Variants in PTPRG observed in about 807,000 individuals in gnomAD.
The protein encoded by PTPRG is receptor-type tyrosine-protein phosphatase gamma.
A neutral mutation model predicts 165.3 loss-of-function variants in PTPRG; 102 were observed. The ratio of observed to expected loss-of-function variants is 0.62; its 90% CI spans 0.53 to 0.73. The LOEUF (loss-of-function observed/expected upper bound fraction) is 0.73, where lower values mean the gene tolerates loss of function less well. Ranked by LOEUF, PTPRG falls within the 30% of genes least tolerant of loss-of-function variation. PTPRG has a pLI of 0.00. For missense variants in PTPRG, 1,866 were observed against 1,861.4 expected, an observed-to-expected ratio of 1.00 and a Z score of -0.05; for synonymous variants, 675 against 669.5, an observed-to-expected ratio of 1.01 and a Z score of -0.13.
intron 2 of PTPRG, among the ~76,000 whole-genome samples, chr3:61,980,490 AG>A (rs1339562400): frequency 1.3e-5 from 2 of 152,204 alleles, no homozygotes; most frequent in African/African-American, 2.4e-5. Context: ...ATAGGAAGAA[AG>A]AGGGAGAAGG....
At chr3:62,128,707 C>A (rs986840445) in intron 5 of PTPRG, among the ~76,000 whole-genome samples, 2 of 149,188 alleles carry the variant, frequency 1.3e-5, no homozygotes, top group Non-Finnish European at 3.0e-5. Flanking sequence ...TCCATATTTT[C>A]CCCATCCCTG....
chr3:61,653,908 C>CG (rs1559541968), intron 1 of PTPRG, among the ~76,000 whole-genome samples: 1 of 103,172 alleles, frequency 9.7e-6, no homozygotes. Flanking sequence ...GTGGGGGGCG[C>CG]GGGGAACTGT....
At chr3:61,848,325 C>T (rs2036864302) in intron 2 of PTPRG, among the ~76,000 whole-genome samples, 1 of 152,206 alleles carries the variant, frequency 6.6e-6, no homozygotes, top group Non-Finnish European at 1.5e-5. Flanking sequence ...AGTCTTTGCC[C>T]TAGGCAGGCT....
At chr3:61,889,385 C>T (rs1025109652) in intron 2 of PTPRG, among the ~76,000 whole-genome samples, 8 of 152,052 alleles carry the variant, frequency 5.3e-5, no homozygotes, top group African/African-American at 1.9e-4. Flanking sequence ...ATTGATTGTC[C>T]CAGATTTGGC....
intron 2 of PTPRG, among the ~76,000 whole-genome samples, chr3:61,873,168 C>A (rs532613100): frequency 1.3e-5 from 2 of 152,028 alleles, no homozygotes; most frequent in African/African-American, 2.4e-5. Context: ...AATTTTGATA[C>A]ATGTAACCTG....
intron 2 of PTPRG, among the ~76,000 whole-genome samples, chr3:61,945,157 T>C (rs990053317): frequency 2.0e-5 from 3 of 152,270 alleles, no homozygotes; most frequent in African/African-American, 4.8e-5. Flanking sequence ...AGGTATATAG[T>C]CTTGGCCAAC....
intron 6 of PTPRG, among the ~76,000 whole-genome samples, chr3:62,144,838 T>C (rs1026261481): frequency 7.2e-5 from 11 of 152,192 alleles, no homozygotes; most frequent in African/African-American, 2.4e-4. Context: ...TTAACAATAA[T>C]GTTAAGACGT....
chr3:62,211,897 T>C (rs1409051153), intron 12 of PTPRG, among the ~76,000 whole-genome samples: 1 of 152,162 alleles, frequency 6.6e-6, no homozygotes, highest in Non-Finnish European at 1.5e-5. Flanking sequence ...GCCAAGCCAG[T>C]AAAAGGCAAA....
chr3:62,140,233 T>C (rs1373556765), intron 6 of PTPRG, among the ~76,000 whole-genome samples: 1 of 152,184 alleles, frequency 6.6e-6, no homozygotes, highest in Non-Finnish European at 1.5e-5. Flanking sequence ...TCTGCTGACG[T>C]TACACATGCA....
Position 61,772,931 on chromosome 3 carries a change from G to C in PTPRG, c.190+23949G>C, listed in dbSNP as rs1206384934. Among the ~76,000 whole-genome samples the C allele has an allele frequency of 5.9e-5, 9 of 152,176 alleles. 1 individual carries two copies. Among genetic ancestry groups the C allele is most frequent in the Admixed American group, 2.6e-4 (4 of 15,266 alleles). On this transcript the variant is annotated intron_variant, in intron 2 of 29. Transcript: ENST00000474889. Reference sequence around the variant, plus strand: ...TGATTATTTCTACCACAACGAATGGGAGAAATGAGTGGAACTCCATAATAA... The same window carrying C: ...TGATTATTTCTACCACAACGAATGGCAGAAATGAGTGGAACTCCATAATAA...
chr3:62,149,984 C>T (rs1437313070), intron 6 of PTPRG, among the ~76,000 whole-genome samples: 1 of 152,202 alleles, frequency 6.6e-6, no homozygotes, highest in Non-Finnish European at 1.5e-5. Context: ...TGGCTTTTCT[C>T]CCTTCCTGGA....
chr3:62,156,951 A>G (rs1704558918), intron 6 of PTPRG, 116 bp from the exon 7 acceptor site: 1 of 940,202 alleles, frequency 1.1e-6, no homozygotes, highest in East Asian at 2.4e-5. Context: ...CTCAGGATAT[A>G]AACAAACATA....
intron 2 of PTPRG, among the ~76,000 whole-genome samples, chr3:61,766,617 A>T (rs9858185): frequency 0.52 from 56,663 of 109,622 alleles, 11,239 homozygotes; most frequent in East Asian, 0.75. Flanking sequence ...GTTAAAAAAA[A>T]TTTTTTTTTT....
chr3:62,143,647 G>A (rs1296106607), intron 6 of PTPRG, among the ~76,000 whole-genome samples: 1 of 151,102 alleles, frequency 6.6e-6, no homozygotes, highest in African/African-American at 2.4e-5. Flanking sequence ...TTGAACCTTT[G>A]GAATGAGCTT....
chr3:62,090,229 C>T (rs1033492930), intron 5 of PTPRG, among the ~76,000 whole-genome samples: 1 of 152,162 alleles, frequency 6.6e-6, no homozygotes, highest in South Asian at 2.1e-4. Context: ...CACTGTGCAG[C>T]GTATTCCCTG....
chr3:61,664,940 T>A (rs368465564), intron 1 of PTPRG, among the ~76,000 whole-genome samples: 2 of 152,252 alleles, frequency 1.3e-5, no homozygotes, highest in Non-Finnish European at 2.9e-5. Flanking sequence ...GAACTGGACA[T>A]CCCCTGTTTT....
At chr3:62,147,798 T>A (rs372516713) in intron 6 of PTPRG, among the ~76,000 whole-genome samples, 83 of 152,194 alleles carry the variant, frequency 5.5e-4, no homozygotes, top group African/African-American at 2.0e-3. Context: ...TGTGGAATAA[T>A]CAAGCTGTTG....
intron 1 of PTPRG, among the ~76,000 whole-genome samples, chr3:61,709,381 C>G (rs2106740787): frequency 6.6e-6 from 1 of 152,204 alleles, no homozygotes; most frequent in East Asian, 1.9e-4. Flanking sequence ...GTGGCGCAAT[C>G]TCAGTTTACT....
Position 62,237,483 on chromosome 3 carries a change from G to T in PTPRG, c.2375+6172G>T, listed in dbSNP as rs934132176. On this transcript the variant is annotated intron_variant, in intron 14 of 29. Coordinates refer to ENST00000474889, the MANE Select transcript of PTPRG (RefSeq NM_002841.4). The surrounding 1 kb of genome is among the most constrained non-coding windows in gnomAD (Gnocchi z 4.5). ...GGCAGTGTATATTTTTCAGCAGGGAGCTCAGGGACTTGACGTTGACAGCTG... is the reference window on the plus strand; with the variant it reads ...GGCAGTGTATATTTTTCAGCAGGGATCTCAGGGACTTGACGTTGACAGCTG... Among the ~76,000 whole-genome samples, 10 of 152,170 alleles carry T rather than the reference G, an allele frequency of 6.6e-5. No homozygotes were observed. The highest frequency in any genetic ancestry group is 2.4e-4 in the African/African-American group (10 of 41,450).
Sources: allele counts gnomAD v4.1 joint callset (sites outside exome capture counted in the v4.1 genomes callset), GRCh38; gene constraint gnomAD v4.1.1; non-coding constraint Gnocchi (gnomAD v3.1); transcripts MANE v1.5; gene names NCBI Gene and HGNC (gene_info 2026-07-23, HGNC 2026-07-21).